UMPS: variants seen among roughly 807,000 people sequenced by gnomAD.
UMPS encodes the protein uridine monophosphate synthetase.
In UMPS, 21 loss-of-function variants were observed where a neutral mutation model predicts 38.9. The ratio of observed to expected loss-of-function variants is 0.54; its 90% CI spans 0.38 to 0.78. The LOEUF (loss-of-function observed/expected upper bound fraction) is 0.78. Among genes scored for constraint, UMPS ranks in the 30% least tolerant of loss-of-function variants. The pLI, the probability that UMPS is intolerant of heterozygous loss-of-function variation, is 0.00. For missense variants in UMPS, 533 were observed against 591.6 expected (o/e 0.90, Z 1.03); for synonymous variants, 208 against 219.3 (o/e 0.95, Z 0.45).
chr3:124,740,116 C>T lies in UMPS; in HGVS notation c.1075C>T (p.Leu359=). 7 of 1,614,068 alleles carry T rather than the reference C, an allele frequency of 4.3e-6. No individual in the cohort carries two copies. Among genetic ancestry groups the T allele is most frequent in the Non-Finnish European group, 5.9e-6 (7 of 1,180,030 alleles). ...GVVKGLQEVG[L]PLHRGCLLIA... Reference sequence around the variant, plus strand: ...TGTGAAAGGCCTGCAAGAAGTGGGCCTGCCTTTGCATCGGGGGTGCCTCCT... The same window carrying T: ...TGTGAAAGGCCTGCAAGAAGTGGGCTTGCCTTTGCATCGGGGGTGCCTCCT... The change falls in exon 4 of 6, where the codon CTG becomes TTG. Residue 359 remains leucine (L), a synonymous_variant. Coordinates refer to ENST00000232607, the MANE Select transcript of UMPS (RefSeq NM_000373.4).
rs1363523872 is a variant in UMPS, at chr3:124,743,958, T to G, written c.1317T>G (p.Ile439Met). ...GQQYNSPQEV[I>M]GKRGSDIIIV... ...AGTACAATAGCCCACAAGAAGTTAT[T>G]GGCAAACGAGGTTCCGATATCATCA... is the stretch of plus-strand genomic sequence containing the variant. The change falls in exon 6 of 6, where the codon ATT (isoleucine) becomes ATG (methionine). Residue 439 changes from isoleucine (I) to methionine (M), a missense_variant. Ile to Met is a conservative substitution (Grantham distance 10). Coordinates refer to ENST00000232607, the MANE Select transcript of UMPS (RefSeq NM_000373.4). 3 of 1,614,222 alleles carry G rather than the reference T, an allele frequency of 1.9e-6. No individual in the cohort carries two copies. The highest frequency in any genetic ancestry group is 3.3e-5 in the Admixed American group (2 of 60,026).
rs1159970083 is a variant in UMPS at position 124,748,811 on chromosome 3, T to C, written c.*4727T>C. 3 of 398,260 alleles carry C rather than the reference T, an allele frequency of 7.5e-6. No individual in the cohort carries two copies. The highest frequency in any genetic ancestry group is 1.5e-5 in the Non-Finnish European group (3 of 200,508). 24.7% of individuals were successfully genotyped at this position (398,260 alleles called of 1,614,324 possible). A position where few individuals can be genotyped will look rare whatever the true frequency, so the allele number is the denominator to read the frequency against. On this transcript the variant is annotated 3_prime_UTR_variant, in exon 6 of 6. Coordinates refer to ENST00000232607, the MANE Select transcript of UMPS (RefSeq NM_000373.4). ...AGAGCCTGAGGTGGCCTGAGCTTCC[T>C]GTGGCTCCAGAGTAACATTATAGAG...
At chr3:124,737,545 C>A in intron 2 of UMPS, 23 bp from the exon 3 acceptor site, 1 of 1,613,086 alleles carries the variant, frequency 6.2e-7, no homozygotes, top group South Asian at 1.1e-5. Flanking sequence ...AATTTGGAAT[C>A]AGCAAAATTT....
intron 1 of UMPS, among the ~76,000 whole-genome samples, chr3:124,731,937 G>C (rs1297915077): frequency 6.7e-6 from 1 of 149,848 alleles, no homozygotes; most frequent in Non-Finnish European, 1.5e-5. Flanking sequence ...TGGAACTACA[G>C]GCATGTGCCA....
intron 5 of UMPS, among the ~76,000 whole-genome samples, chr3:124,743,708 T>A (rs2063573769): frequency 6.6e-6 from 1 of 152,124 alleles, no homozygotes; most frequent in Non-Finnish European, 1.5e-5. Flanking sequence ...GAAAAGGAGT[T>A]GGTGATCATC....
At chr3:124,731,558 T>C in intron 1 of UMPS, 1 of 427,240 alleles carries the variant, frequency 2.3e-6, no homozygotes, top group African/African-American at 2.0e-5. Flanking sequence ...TGATCATAGC[T>C]CACTGCAGCC....
At position 124,748,426 on chromosome 3, in the gene UMPS, A is replaced by C; in HGVS notation, c.*4342A>C. 2.2e-6 allele frequency: 1 copy of C among 453,980 alleles called. No individual in the cohort carries two copies. Among genetic ancestry groups the C allele is most frequent in the South Asian group, 1.6e-5 (1 of 64,382 alleles). The allele number at this position is 453,980 out of a possible 1,614,324, so 28.1% of individuals were successfully genotyped here. ...CCTTCCAAAGGAAGGCCGCAATAGA[A>C]ATACAAAGAGAAACAAAATAATTAG... On this transcript the variant is annotated 3_prime_UTR_variant, in exon 6 of 6. Transcript: ENST00000232607.
In UMPS at chr3:124,745,283, C is replaced by T; in HGVS notation, c.*1199C>T. ...TTCCTTCTCATTTGGGGCCCACCTG[C>T]AGGAAGTGGCACAGGATCAGCCATT... On this transcript the variant is annotated 3_prime_UTR_variant, in exon 6 of 6. Transcript: ENST00000232607. 2.2e-6 allele frequency: 1 copy of T among 454,068 alleles called. No homozygotes were observed. The highest frequency in any genetic ancestry group is 1.6e-5 in the South Asian group (1 of 64,470). The allele number at this position is 454,068 out of a possible 1,614,324, so 28.1% of individuals were successfully genotyped here.
rs17843814 is a variant in UMPS, at chr3:124,736,718, C to G, written c.311-850C>G. Among the ~76,000 whole-genome samples the G allele has an allele frequency of 3.5e-3, 526 of 152,298 alleles. 10 individuals are homozygous for G. The highest frequency in any genetic ancestry group is 0.025 in the Admixed American group (380 of 15,296). ...ATGAAATTATGCATTTTTAAATATA[C>G]TATAAATACTTGCAGTCTTGTGTTC... is the stretch of plus-strand genomic sequence containing the variant. On this transcript the variant is annotated intron_variant, in intron 2 of 5. Transcript: ENST00000232607.
In UMPS at chr3:124,744,060, G is replaced by T; in HGVS notation, c.1419G>T (p.Ala473=). 6.2e-7 allele frequency: 1 copy of T among 1,614,086 alleles called. No homozygotes were observed. The highest frequency in any genetic ancestry group is 8.5e-7 in the Non-Finnish European group (1 of 1,179,964). ...AEMYRKAAWE[A]YLSRLGV ...TGTACAGAAAAGCTGCTTGGGAAGC[G>T]TATTTGAGTAGACTTGGTGTTTGAG... Residue 473 remains alanine (A), a synonymous_variant, in exon 6 of 6, where the codon GCG becomes GCT. Transcript: ENST00000232607.
In UMPS at chr3:124,746,755, TTG is replaced by T. The variant is rs58981387; in HGVS notation, c.*2712_*2713del. ...ATTCTGTAGAACATAAGCCCATAGA[TTG>T]TGTGTGTGTGTGTGTGTGTGTGTGT... is the stretch of plus-strand genomic sequence containing the variant. On this transcript the variant is annotated 3_prime_UTR_variant, in exon 6 of 6. Coordinates refer to ENST00000232607, the MANE Select transcript of UMPS (RefSeq NM_000373.4). 0.031 allele frequency: 12,985 copies of T among 419,348 alleles called. 115 individuals are homozygous for T. Among genetic ancestry groups the T allele is most frequent in the Non-Finnish European group, 0.035 (7,257 of 208,196 alleles). The allele number at this position is 419,348 out of a possible 1,614,324, so 26.0% of individuals were successfully genotyped here.
Position 124,746,755 on chromosome 3 carries a change from TTGTGTGTGTG to T in UMPS, c.*2704_*2713del, listed in dbSNP as rs58981387. On this transcript the variant is annotated 3_prime_UTR_variant, in exon 6 of 6. Coordinates refer to ENST00000232607, the MANE Select transcript of UMPS (RefSeq NM_000373.4). ...ATTCTGTAGAACATAAGCCCATAGATTGTGTGTGTGTGTGTGTGTGTGTGTGTGTGTGTGT... is the reference window on the plus strand; with the variant it reads ...ATTCTGTAGAACATAAGCCCATAGATTGTGTGTGTGTGTGTGTGTGTGTGT... 7,194 of 418,538 alleles carry T rather than the reference TTGTGTGTGTG, an allele frequency of 0.017. 21 individuals carry two copies. Among genetic ancestry groups the T allele is most frequent in the South Asian group, 0.03 (1,753 of 58,842 alleles). The allele number at this position is 418,538 out of a possible 1,614,324, so 25.9% of individuals were successfully genotyped here.
rs2063612927 is a variant in UMPS at position 124,747,644 on chromosome 3, G to C, written c.*3560G>C. The stretch of plus-strand genomic sequence containing the variant: ...GCGTGATAAATGCTTAGTAGTGCAT[G>C]CCATGGAGTTCCAGGGTGGTTTATT... On this transcript the variant is annotated 3_prime_UTR_variant, in exon 6 of 6. Transcript: ENST00000232607. 1 of 452,540 alleles carries C rather than the reference G, an allele frequency of 2.2e-6. No homozygotes were observed. The highest frequency in any genetic ancestry group is 2.0e-5 in the African/African-American group (1 of 49,966). The allele number at this position is 452,540 out of a possible 1,614,324, so 28.0% of individuals were successfully genotyped here.
At chr3:124,730,744 C>A in intron 1 of UMPS, 117 bp downstream of exon 1, 1 of 1,213,082 alleles carries the variant, frequency 8.2e-7, no homozygotes. Flanking sequence ...GCAGGCAGAC[C>A]GACCCTACTC....
Position 124,747,358 on chromosome 3 carries a change from C to T in UMPS, c.*3274C>T, listed in dbSNP as rs545053204. The T allele has an allele frequency of 3.1e-5, 14 of 454,938 alleles. No individual in the cohort carries two copies. The highest frequency in any genetic ancestry group is 1.7e-4 in the South Asian group (11 of 65,274). The allele number at this position is 454,938 out of a possible 1,614,324, so 28.2% of individuals were successfully genotyped here. On this transcript the variant is annotated 3_prime_UTR_variant, in exon 6 of 6. Transcript: ENST00000232607. The stretch of plus-strand genomic sequence containing the variant: ...AGAGCCAACAGCAGAGGGTGCTGGC[C>T]GCTGAGCTAGCTGCTAATGCTGGCC...
At chr3:124,736,744 T>C (rs1263298443) in intron 2 of UMPS, among the ~76,000 whole-genome samples, 2 of 152,388 alleles carry the variant, frequency 1.3e-5, no homozygotes, top group East Asian at 3.9e-4. Flanking sequence ...TCTTGTGTTC[T>C]AGCTTAAGCT....
chr3:124,742,372 T>C (rs569466954), intron 5 of UMPS, 106 bp downstream of exon 5: 71 of 847,870 alleles, frequency 8.4e-5, no homozygotes, highest in Admixed American at 3.1e-4. Context: ...AAAAGCCTTC[T>C]TAGTCTAGAA....
Position 124,748,226 on chromosome 3 carries a change from G to A in UMPS, c.*4142G>A, listed in dbSNP as rs901245560. 45 of 453,700 alleles carry A rather than the reference G, an allele frequency of 9.9e-5. No homozygotes were observed. Among genetic ancestry groups the A allele is most frequent in the African/African-American group, 8.2e-4 (41 of 50,012 alleles). The allele number at this position is 453,700 out of a possible 1,614,324, so 28.1% of individuals were successfully genotyped here. A position where few individuals can be genotyped will look rare whatever the true frequency, so the allele number is the denominator to read the frequency against. On this transcript the variant is annotated 3_prime_UTR_variant, in exon 6 of 6. Coordinates refer to ENST00000232607, the MANE Select transcript of UMPS (RefSeq NM_000373.4). ...ATTACAGGTGTGAGCCACTGCTCCC[G>A]GCCTGTTGGAGTTCTTTACATTTAT...
In UMPS at chr3:124,748,604, C is replaced by T. The variant is rs1000219177; in HGVS notation, c.*4520C>T. 110 of 454,020 alleles carry T rather than the reference C, an allele frequency of 2.4e-4. No individual in the cohort carries two copies. The highest frequency in any genetic ancestry group is 4.1e-4 in the Non-Finnish European group (92 of 226,778). 28.1% of individuals were successfully genotyped at this position (454,020 alleles called of 1,614,324 possible). ...AGTCAGATCCTGGTGTGGGCTCTCACGTGCTGCTGCTGAATCCCAGGGAAG... is the reference window on the plus strand; with the variant it reads ...AGTCAGATCCTGGTGTGGGCTCTCATGTGCTGCTGCTGAATCCCAGGGAAG... On this transcript the variant is annotated 3_prime_UTR_variant, in exon 6 of 6. Transcript: ENST00000232607.
Sources: allele counts gnomAD v4.1 joint callset (sites outside exome capture counted in the v4.1 genomes callset), GRCh38; gene constraint gnomAD v4.1.1; transcripts MANE v1.5; gene names NCBI Gene and HGNC (gene_info 2026-07-23, HGNC 2026-07-21).